Variants in PTPRK observed in about 807,000 individuals in gnomAD.
The protein encoded by PTPRK is receptor-type tyrosine-protein phosphatase kappa.
A neutral mutation model predicts 178.0 loss-of-function variants in PTPRK; 75 were observed. The ratio of observed to expected loss-of-function variants is 0.42; its 90% CI spans 0.35 to 0.51. The LOEUF (loss-of-function observed/expected upper bound fraction) is 0.51. Ranked by LOEUF, PTPRK falls within the 20% of genes least tolerant of loss-of-function variation. The pLI is 0.02. For synonymous variants in PTPRK, 637 were observed against 620.6 expected (o/e 1.03, Z -0.39); for missense variants, 1,441 against 1,797.8 (o/e 0.80, Z 3.59).
chr6:128,256,984 A>G (rs985725933), intron 3 of PTPRK, among the ~76,000 whole-genome samples: 5 of 151,932 alleles, frequency 3.3e-5, no homozygotes, highest in African/African-American at 1.2e-4. Context: ...TAATCCCAGA[A>G]CTTTGGGAGG....
intron 1 of PTPRK, among the ~76,000 whole-genome samples, chr6:128,518,711 A>T (rs1858472116): frequency 6.6e-6 from 1 of 152,210 alleles, no homozygotes; most frequent in Non-Finnish European, 1.5e-5. Flanking sequence ...CTCCAGAAAG[A>T]ATTCAATTAA....
chr6:128,265,207 G>T (rs1338437557), intron 3 of PTPRK, among the ~76,000 whole-genome samples: 1 of 152,050 alleles, frequency 6.6e-6, no homozygotes, highest in East Asian at 1.9e-4. Flanking sequence ...ACAATTACCC[G>T]ATATACCTTG....
chr6:128,221,296 G>A (rs1004700820), intron 5 of PTPRK, among the ~76,000 whole-genome samples: 19 of 150,372 alleles, frequency 1.3e-4, no homozygotes, highest in African/African-American at 4.4e-4. Flanking sequence ...AGGCCGAGGC[G>A]GCTGGATCAC....
intron 3 of PTPRK, among the ~76,000 whole-genome samples, chr6:128,284,739 G>T (rs577154982): frequency 5.3e-5 from 8 of 152,262 alleles, no homozygotes; most frequent in African/African-American, 1.9e-4. Flanking sequence ...GGTCAGAAGC[G>T]TCACCTTCCC....
chr6:128,447,473 T>A (rs1847177479), intron 1 of PTPRK, among the ~76,000 whole-genome samples: 1 of 152,208 alleles, frequency 6.6e-6, no homozygotes, highest in South Asian at 2.1e-4. Context: ...GATTTAGAGA[T>A]GTTACATAAC....
At chr6:128,140,073 T>G (rs1391342691) in intron 7 of PTPRK, among the ~76,000 whole-genome samples, 1 of 152,042 alleles carries the variant, frequency 6.6e-6, no homozygotes, top group Non-Finnish European at 1.5e-5. Context: ...CACCCCTATC[T>G]TGCATCCAGA....
chr6:128,067,454 T>G (rs1410427349), intron 12 of PTPRK, 65 bp downstream of exon 12: 7 of 1,415,946 alleles, frequency 4.9e-6, no homozygotes, highest in Non-Finnish European at 6.6e-6. Flanking sequence ...CTACTGAGTA[T>G]TCATAAAATT....
At chr6:128,098,179 C>T (rs573459431) in intron 7 of PTPRK, among the ~76,000 whole-genome samples, 2 of 152,120 alleles carry the variant, frequency 1.3e-5, no homozygotes, top group African/African-American at 4.8e-5. Context: ...AGCTTAAAAG[C>T]TAATGAAAAT....
chr6:128,420,164 G>T (rs1843322262), intron 1 of PTPRK, among the ~76,000 whole-genome samples: 1 of 152,106 alleles, frequency 6.6e-6, no homozygotes, highest in African/African-American at 2.4e-5. Flanking sequence ...TCCCCAAAAA[G>T]GAATGGAACA....
intron 7 of PTPRK, among the ~76,000 whole-genome samples, chr6:128,144,437 G>T (rs1009071741): frequency 6.6e-6 from 1 of 152,136 alleles, no homozygotes; most frequent in Non-Finnish European, 1.5e-5. Flanking sequence ...CCCATGGCAG[G>T]TCTAATGCAT....
At chr6:127,975,498 G>C (rs1198668384) in intron 27 of PTPRK, among the ~76,000 whole-genome samples, 1 of 152,072 alleles carries the variant, frequency 6.6e-6, no homozygotes, top group Non-Finnish European at 1.5e-5. Context: ...ATTTTGATAT[G>C]AGAGACACTG....
intron 25 of PTPRK, 23 bp from the exon 26 acceptor site, chr6:127,977,077 G>C: frequency 3.1e-6 from 5 of 1,611,082 alleles, no homozygotes; most frequent in Non-Finnish European, 4.2e-6. Flanking sequence ...AAGGTAGATG[G>C]AGAAATATAA....
intron 3 of PTPRK, among the ~76,000 whole-genome samples, chr6:128,252,455 C>T (rs1371880904): frequency 2.0e-5 from 3 of 152,182 alleles, no homozygotes; most frequent in Non-Finnish European, 2.9e-5. Flanking sequence ...AAACACATGA[C>T]TTCTTAGTCT....
chr6:128,211,156 A>G (rs1467169268), intron 6 of PTPRK, among the ~76,000 whole-genome samples: 1 of 152,124 alleles, frequency 6.6e-6, no homozygotes, highest in Non-Finnish European at 1.5e-5. Context: ...GCTAAAGTAA[A>G]GCCTGTACAA....
chr6:128,116,831 T>A (rs920196212), intron 7 of PTPRK, among the ~76,000 whole-genome samples: 1 of 152,234 alleles, frequency 6.6e-6, no homozygotes, highest in Non-Finnish European at 1.5e-5. Context: ...TGAAACCTAA[T>A]TTCAAAATAT....
At chr6:128,271,534 T>C (rs1819823426) in intron 3 of PTPRK, among the ~76,000 whole-genome samples, 1 of 152,042 alleles carries the variant, frequency 6.6e-6, no homozygotes, top group Admixed American at 6.6e-5. Context: ...TTTGATCTGG[T>C]TTTCTGGCAG....
intron 13 of PTPRK, among the ~76,000 whole-genome samples, chr6:128,057,864 G>A (rs1009800772): frequency 2.0e-5 from 3 of 151,950 alleles, no homozygotes; most frequent in African/African-American, 7.3e-5. Context: ...ATCTATATAG[G>A]TACTGCATAC....
At position 128,443,381 on chromosome 6, in the gene PTPRK, C is replaced by T. The variant is rs183018716; in HGVS notation, c.101-45693G>A. 8.6e-5 allele frequency among the ~76,000 whole-genome samples: 13 copies of T among 150,696 alleles called. No homozygotes were observed. The East Asian group carries it at 2.0e-3, about 23-fold the overall frequency. On this transcript the variant is annotated intron_variant, in intron 1 of 29. Coordinates refer to ENST00000368226, the MANE Select transcript of PTPRK (RefSeq NM_002844.4). The stretch of plus-strand genomic sequence containing the variant: ...GAAAAGTAGGAGGGAATAAGGGATG[C>T]GGAGACTAGAAAAATAGAGGAGGAA...
At chr6:127,998,667 A>G in intron 16 of PTPRK, 53 bp downstream of exon 16, 2 of 1,428,078 alleles carry the variant, frequency 1.4e-6, no homozygotes, top group Non-Finnish European at 9.4e-7. Context: ...GCTAAATTCC[A>G]CTGAGTATCA....
Sources: gnomAD v4.1 joint callset for allele counts (sites outside exome capture counted in the v4.1 genomes callset) on GRCh38, gnomAD v4.1.1 for gene constraint, MANE v1.5 for transcripts, NCBI Gene and HGNC (gene_info 2026-07-23, HGNC 2026-07-21) for gene names.